C12orf75: variants seen among roughly 807,000 people sequenced by gnomAD.
C12orf75 encodes chromosome 12 open reading frame 75.
In C12orf75, 4 loss-of-function variants were observed where a neutral mutation model predicts 11.4. The ratio of observed to expected loss-of-function variants is 0.35; its 90% CI spans 0.17 to 0.80. The LOEUF (loss-of-function observed/expected upper bound fraction) is 0.80, where lower values mean the gene tolerates loss of function less well. Among genes scored for constraint, C12orf75 ranks in the 30% least tolerant of loss-of-function variants. The probability of loss-of-function intolerance (pLI) is 0.52; values close to 1 mark genes in which losing one functional copy is unlikely to be tolerated. For missense variants in C12orf75, 89 were observed against 80.4 expected, an observed-to-expected ratio of 1.11 and a Z score of -0.41; for synonymous variants, 30 against 30.0, an observed-to-expected ratio of 1.00 and a Z score of 0.00.
At chr12:105,331,987 G>T (rs1322261567) in intron 1 of C12orf75, among the ~76,000 whole-genome samples, 3 of 152,164 alleles carry the variant, frequency 2.0e-5, no homozygotes, top group Non-Finnish European at 2.9e-5. Flanking sequence ...TAACCCAGAC[G>T]CCGGTAAAAA....
intron 2 of C12orf75, 130 bp downstream of exon 2, chr12:105,348,756 T>A: frequency 3.8e-6 from 2 of 528,858 alleles, no homozygotes; most frequent in Non-Finnish European, 6.5e-6. Context: ...ATAATGCACA[T>A]GTCAAGATGA....
At chr12:105,342,507 C>T (rs2136142617) in intron 1 of C12orf75, among the ~76,000 whole-genome samples, 1 of 152,334 alleles carries the variant, frequency 6.6e-6, no homozygotes, top group East Asian at 1.9e-4. Context: ...ATTATCCAGT[C>T]TGTGGTATTC....
At chr12:105,367,907 T>C (rs1478807634) in intron 5 of C12orf75, among the ~76,000 whole-genome samples, 2 of 152,096 alleles carry the variant, frequency 1.3e-5, no homozygotes, top group Admixed American at 1.3e-4. Flanking sequence ...GTGGTTAATA[T>C]ACAGAGAGGA....
At chr12:105,362,229 A>G (rs1325275042) in intron 2 of C12orf75, among the ~76,000 whole-genome samples, 1 of 151,816 alleles carries the variant, frequency 6.6e-6, no homozygotes, top group South Asian at 2.1e-4. Flanking sequence ...TACTAAAAAT[A>G]CAAAAAATTA....
At chr12:105,358,144 G>A (rs1892811672) in intron 2 of C12orf75, among the ~76,000 whole-genome samples, 1 of 152,076 alleles carries the variant, frequency 6.6e-6, no homozygotes, top group South Asian at 2.1e-4. Context: ...CACTGCGCTG[G>A]GCTCAGTGTA....
chr12:105,366,124 T>G (rs1013408429), intron 3 of C12orf75: 8 of 419,950 alleles, frequency 1.9e-5, no homozygotes, highest in African/African-American at 1.6e-4. Flanking sequence ...TGACTTCCCT[T>G]CATTCTCTCA....
chr12:105,345,659 C>CTTTTTTTTTT lies in C12orf75; in HGVS notation c.47-2932_47-2923dup, dbSNP rs771376717. On this transcript the variant is annotated intron_variant, in intron 1 of 5. Coordinates refer to ENST00000443585, the MANE Select transcript of C12orf75 (RefSeq NM_001145199.2). ...TCCTGATCTTGAATTAGTGTCTGGCCTTTTTTTTTTTTTTTTTTTTGAGAC... is the reference window on the plus strand; with the variant it reads ...TCCTGATCTTGAATTAGTGTCTGGCCTTTTTTTTTTTTTTTTTTTTTTTTTTTTTTGAGAC... Among the ~76,000 whole-genome samples the CTTTTTTTTTT allele has an allele frequency of 3.2e-3, 232 of 73,492 alleles. 43 individuals are homozygous for CTTTTTTTTTT. Among genetic ancestry groups the CTTTTTTTTTT allele is most frequent in the Admixed American group, 5.0e-3 (22 of 4,378 alleles). The allele number at this position is 73,492 out of a possible 152,430, so 48.2% of individuals were successfully genotyped here.
At position 105,370,979 on chromosome 12, in the gene C12orf75, T is replaced by G. The variant is rs1234457251; in HGVS notation, c.*379T>G. On this transcript the variant is annotated 3_prime_UTR_variant, in exon 6 of 6. Transcript: ENST00000443585. The stretch of plus-strand genomic sequence containing the variant: ...CTTTTCACTGATACTTTTTTGATAG[T>G]TTTTATATAACAAAATCCTTATTCT... 1 of 210,734 alleles carries G rather than the reference T, an allele frequency of 4.7e-6. No homozygotes were observed. The highest frequency in any genetic ancestry group is 1.0e-5 in the Non-Finnish European group (1 of 100,344). 13.1% of individuals were successfully genotyped at this position (210,734 alleles called of 1,614,324 possible). A position where few individuals can be genotyped will look rare whatever the true frequency, so the allele number is the denominator to read the frequency against.
intron 1 of C12orf75, among the ~76,000 whole-genome samples, chr12:105,337,978 C>A (rs938014108): frequency 1.3e-5 from 2 of 151,930 alleles, no homozygotes; most frequent in South Asian, 2.1e-4. Flanking sequence ...AGAAAAAAAA[C>A]CTATGAAATT....
At chr12:105,343,277 T>C (rs1193824234) in intron 1 of C12orf75, among the ~76,000 whole-genome samples, 1 of 152,216 alleles carries the variant, frequency 6.6e-6, no homozygotes, top group African/African-American at 2.4e-5. Context: ...TTTCTACTTC[T>C]CCTGAGGCCC....
intron 1 of C12orf75, among the ~76,000 whole-genome samples, chr12:105,343,168 T>G (rs1373849097): frequency 6.6e-6 from 1 of 152,272 alleles, no homozygotes; most frequent in Non-Finnish European, 1.5e-5. Flanking sequence ...GAAATAGTCA[T>G]TAAATCTTTT....
chr12:105,365,658 A>G (rs1871450044), intron 2 of C12orf75, 149 bp from the exon 3 acceptor site: 2 of 637,996 alleles, frequency 3.1e-6, no homozygotes, highest in South Asian at 3.9e-5. Flanking sequence ...GAAACACTTG[A>G]TGGATAGTTT....
chr12:105,341,348 T>C (rs1892570703), intron 1 of C12orf75, among the ~76,000 whole-genome samples: 1 of 152,076 alleles, frequency 6.6e-6, no homozygotes, highest in Non-Finnish European at 1.5e-5. Flanking sequence ...TGACACCAAG[T>C]GTCCTGCAAT....
intron 1 of C12orf75, among the ~76,000 whole-genome samples, chr12:105,346,441 G>A (rs1012010629): frequency 1.3e-5 from 2 of 152,072 alleles, no homozygotes; most frequent in Admixed American, 6.5e-5. Flanking sequence ...TCATTTTCAC[G>A]GGTGTATGGT....
At chr12:105,366,542 G>T in intron 3 of C12orf75, 75 bp from the exon 4 acceptor site, 1 of 640,050 alleles carries the variant, frequency 1.6e-6, no homozygotes, top group Non-Finnish European at 2.7e-6. Context: ...ATAATTGTTT[G>T]GAGTACTCCG....
chr12:105,349,841 C>CA (rs2136145591), intron 2 of C12orf75, among the ~76,000 whole-genome samples: 2 of 152,188 alleles, frequency 1.3e-5, no homozygotes, highest in South Asian at 4.1e-4. Flanking sequence ...CACACCACTG[C>CA]ACTCCAGCCT....
chr12:105,368,941 T>C (rs958941073), intron 5 of C12orf75, among the ~76,000 whole-genome samples: 1 of 152,228 alleles, frequency 6.6e-6, no homozygotes, highest in African/African-American at 2.4e-5. Flanking sequence ...GCCCTCCATA[T>C]AGATTTCTGA....
chr12:105,341,994 G>A lies in C12orf75; in HGVS notation c.47-6608G>A, dbSNP rs149253708. On this transcript the variant is annotated intron_variant, in intron 1 of 5. Coordinates refer to ENST00000443585, the MANE Select transcript of C12orf75 (RefSeq NM_001145199.2). ...CTTTGTGTTCCACCATGACTGTGAGGCCTCTGCAGCCATGTGGAACTGTGA... is the reference window on the plus strand; with the variant it reads ...CTTTGTGTTCCACCATGACTGTGAGACCTCTGCAGCCATGTGGAACTGTGA... Among the ~76,000 whole-genome samples the A allele has an allele frequency of 5.4e-3, 823 of 152,318 alleles. 6 individuals are homozygous for A. Among genetic ancestry groups the A allele is most frequent in the African/African-American group, 0.019 (787 of 41,564 alleles).
intron 1 of C12orf75, among the ~76,000 whole-genome samples, chr12:105,342,793 G>A (rs1465937756): frequency 6.6e-6 from 1 of 152,218 alleles, no homozygotes; most frequent in Non-Finnish European, 1.5e-5. Flanking sequence ...TAGGAGCTCT[G>A]TGCCAGGAAC....
Sources: allele counts gnomAD v4.1 joint callset (sites outside exome capture counted in the v4.1 genomes callset), GRCh38; gene constraint gnomAD v4.1.1; transcripts MANE v1.5; gene names NCBI Gene and HGNC (gene_info 2026-07-23, HGNC 2026-07-21).